KCNIP1: variants seen among roughly 807,000 people sequenced by gnomAD.
KCNIP1 encodes A-type potassium channel modulatory protein KCNIP1.
KCNIP1 carries 18 observed loss-of-function variants against 33.0 expected under a neutral mutation model. The ratio of observed to expected loss-of-function variants is 0.55; its 90% CI spans 0.38 to 0.81. KCNIP1 has a LOEUF of 0.81. Ranked by LOEUF, KCNIP1 falls within the 30% of genes least tolerant of loss-of-function variation. KCNIP1 has a pLI of 0.00. For missense variants in KCNIP1, 238 were observed against 271.6 expected (o/e 0.88, Z 0.87); for synonymous variants, 93 against 98.3 (o/e 0.95, Z 0.32).
At chr5:170,476,291 A>C (rs1335045756) in intron 1 of KCNIP1, among the ~76,000 whole-genome samples, 1 of 152,218 alleles carries the variant, frequency 6.6e-6, no homozygotes, top group Non-Finnish European at 1.5e-5. Context: ...TCTAATTAGC[A>C]GTTCCAAATT....
intron 1 of KCNIP1, among the ~76,000 whole-genome samples, chr5:170,643,186 G>A (rs1041192770): frequency 2.6e-5 from 4 of 152,238 alleles, no homozygotes; most frequent in African/African-American, 4.8e-5. Context: ...CCTGGAAGGG[G>A]CCATGAGCCA....
intron 1 of KCNIP1, among the ~76,000 whole-genome samples, chr5:170,608,664 C>T (rs1267385326): frequency 2.0e-5 from 3 of 151,554 alleles, no homozygotes; most frequent in South Asian, 2.1e-4. Context: ...CCCAGCGACT[C>T]GGGAGGCTGA....
intron 1 of KCNIP1, among the ~76,000 whole-genome samples, chr5:170,461,773 C>T (rs1756506559): frequency 6.6e-6 from 1 of 150,682 alleles, no homozygotes; most frequent in East Asian, 1.9e-4. Context: ...GGCAAATAGA[C>T]CAATGGAACA....
intron 1 of KCNIP1, among the ~76,000 whole-genome samples, chr5:170,473,106 T>G (rs899591170): frequency 2.0e-5 from 3 of 152,172 alleles, no homozygotes; most frequent in African/African-American, 7.2e-5. Flanking sequence ...GTTTTTTGAT[T>G]TTTTATTATG....
chr5:170,617,185 G>A (rs1759411962), intron 1 of KCNIP1, among the ~76,000 whole-genome samples: 1 of 152,004 alleles, frequency 6.6e-6, no homozygotes. Context: ...GGAAGACAAG[G>A]TAGCATTACA....
intron 1 of KCNIP1, among the ~76,000 whole-genome samples, chr5:170,454,548 T>C (rs192943065): frequency 5.9e-5 from 9 of 152,354 alleles, no homozygotes; most frequent in Admixed American, 5.2e-4. Context: ...TACTCTGTCT[T>C]ACACAGACTA....
intron 1 of KCNIP1, chr5:170,712,955 C>T (rs945542286): frequency 2.1e-5 from 28 of 1,323,670 alleles, no homozygotes; most frequent in Non-Finnish European, 2.8e-5. Flanking sequence ...CTTAATCAAG[C>T]TCATGTTTTG....
At chr5:170,502,645 A>G (rs749252462), upstream of KCNIP1, among the ~76,000 whole-genome samples, 17 of 152,024 alleles carry the variant, frequency 1.1e-4, no homozygotes, top group Non-Finnish European at 1.8e-4. Context: ...ACCTGCGCCC[A>G]TATGTTTGTG....
intron 1 of KCNIP1, among the ~76,000 whole-genome samples, chr5:170,687,679 A>G (rs1333486115): frequency 3.3e-5 from 5 of 152,128 alleles, no homozygotes; most frequent in Non-Finnish European, 7.3e-5. Context: ...TATGTTATAC[A>G]CTCTACGATG....
chr5:170,393,525 A>G (rs1455803685), intron 1 of KCNIP1, among the ~76,000 whole-genome samples: 1 of 152,254 alleles, frequency 6.6e-6, no homozygotes, highest in Non-Finnish European at 1.5e-5. Context: ...CCTTCACTGC[A>G]GAAAAGCGAT....
chr5:170,627,460 G>C (rs1418006980), intron 1 of KCNIP1, among the ~76,000 whole-genome samples: 1 of 152,194 alleles, frequency 6.6e-6, no homozygotes, highest in Non-Finnish European at 1.5e-5. Context: ...CTGGTTCCCA[G>C]AGCTGATGCT....
upstream of KCNIP1, among the ~76,000 whole-genome samples, chr5:170,499,185 C>T (rs1381307373): frequency 3.3e-5 from 5 of 152,290 alleles, no homozygotes; most frequent in African/African-American, 7.2e-5. Flanking sequence ...GCATTCCCTT[C>T]CTTAACTAAT....
intron 1 of KCNIP1, among the ~76,000 whole-genome samples, chr5:170,450,126 C>A (rs1003021598): frequency 2.0e-5 from 3 of 147,804 alleles, no homozygotes; most frequent in African/African-American, 5.0e-5. Context: ...CCCACCCCAC[C>A]CTCACCCCAC....
At chr5:170,487,107 G>C (rs1348947409) in intron 1 of KCNIP1, among the ~76,000 whole-genome samples, 4 of 152,108 alleles carry the variant, frequency 2.6e-5, no homozygotes, top group African/African-American at 7.2e-5. Context: ...GATTGTAGGG[G>C]CTGGCAAATT....
At chr5:170,610,337 C>T (rs1489818493) in intron 1 of KCNIP1, among the ~76,000 whole-genome samples, 3 of 152,188 alleles carry the variant, frequency 2.0e-5, no homozygotes, top group East Asian at 1.9e-4. Flanking sequence ...CCATTATAAA[C>T]ACCATCATGT....
chr5:170,636,727 C>T (rs922961429), intron 1 of KCNIP1, among the ~76,000 whole-genome samples: 9 of 152,128 alleles, frequency 5.9e-5, no homozygotes, highest in African/African-American at 2.2e-4. Context: ...TTTTAGGGGG[C>T]TCAAGGTGGG....
intron 1 of KCNIP1, among the ~76,000 whole-genome samples, chr5:170,685,588 A>G (rs1178173390): frequency 6.6e-6 from 1 of 151,922 alleles, no homozygotes; most frequent in Non-Finnish European, 1.5e-5. Context: ...TCCCGGGTTT[A>G]AGCGATTCTA....
At chr5:170,498,899 GT>G (rs1450067002) in intron 1 of KCNIP1, among the ~76,000 whole-genome samples, 2 of 152,128 alleles carry the variant, frequency 1.3e-5, no homozygotes, top group Non-Finnish European at 2.9e-5. Context: ...ATGGGACTGG[GT>G]TCATATGAGC....
intron 1 of KCNIP1, among the ~76,000 whole-genome samples, chr5:170,440,152 GC>G (rs1220229069): frequency 6.6e-6 from 1 of 152,192 alleles, no homozygotes; most frequent in African/African-American, 2.4e-5. Context: ...CACGGAGAAG[GC>G]GGCGTCTGCA....
Sources: allele counts gnomAD v4.1 joint callset (sites outside exome capture counted in the v4.1 genomes callset), GRCh38; gene constraint gnomAD v4.1.1; transcripts MANE v1.5; gene names NCBI Gene and HGNC (gene_info 2026-07-23, HGNC 2026-07-21).